Variants in THADA observed in about 807,000 individuals in gnomAD.
THADA encodes the protein tRNA (32-2'-O)-methyltransferase regulator THADA.
A neutral mutation model predicts 219.8 loss-of-function variants in THADA; 213 were observed. The observed-to-expected ratio is 0.97, with a 90% CI of 0.87 to 1.09. The LOEUF is 1.09. Among genes scored for constraint, THADA ranks in the 50% least tolerant of loss-of-function variants. The pLI is 0.00. For synonymous variants in THADA, 1,018 were observed against 828.9 expected, an observed-to-expected ratio of 1.23 and a Z score of -3.92; for missense variants, 2,956 against 2,311.3, an observed-to-expected ratio of 1.28 and a Z score of -5.72.
chr2:43,406,565 T>C (rs1021814458), intron 28 of THADA, among the ~76,000 whole-genome samples: 3 of 152,246 alleles, frequency 2.0e-5, no homozygotes, highest in Non-Finnish European at 2.9e-5. Flanking sequence ...AAATGTGCTA[T>C]ACCTTAGCAA....
chr2:43,520,038 T>C (rs137940560), intron 22 of THADA, among the ~76,000 whole-genome samples: 90 of 152,276 alleles, frequency 5.9e-4, no homozygotes, highest in African/African-American at 2.0e-3. Flanking sequence ...CCAAGAACAA[T>C]ACAGCAAACC....
intron 26 of THADA, among the ~76,000 whole-genome samples, chr2:43,458,424 G>A (rs1683263927): frequency 6.6e-6 from 1 of 152,120 alleles, no homozygotes; most frequent in African/African-American, 2.4e-5. Flanking sequence ...CCTAACTTCT[G>A]AGCCTCAGTT....
chr2:43,535,232 T>G (rs1013487927), intron 21 of THADA, among the ~76,000 whole-genome samples: 7 of 145,194 alleles, frequency 4.8e-5, no homozygotes, highest in South Asian at 2.3e-4. Flanking sequence ...ATTTTGGACA[T>G]TAATCCTGTC....
rs1700501350 is a variant in THADA at position 43,581,887 on chromosome 2, T to C, written c.575A>G (p.Asn192Ser). 1 of 1,596,352 alleles carries C rather than the reference T, an allele frequency of 6.3e-7. No homozygotes were observed. The highest frequency in any genetic ancestry group is 8.5e-7 in the Non-Finnish European group (1 of 1,174,254). ...GNHIIQTQLM[N>S]DLLVGIRVSM... The stretch of plus-strand genomic sequence containing the variant: ...AACTCTAATGCCTACCAGTAAGTCA[T>C]TCATCAACTGTGTTTGAATAATATG... The change falls in exon 8 of 38, where the codon AAT (asparagine) becomes AGT (serine). Residue 192 changes from asparagine to serine, a missense_variant. Transcript: ENST00000405975.
At chr2:43,287,128 G>T in intron 34 of THADA, 67 bp from the exon 35 acceptor site, 1 of 1,486,904 alleles carries the variant, frequency 6.7e-7, no homozygotes, top group Non-Finnish European at 9.2e-7. Flanking sequence ...AGAATTAGGG[G>T]TGACCTACAC....
intron 25 of THADA, among the ~76,000 whole-genome samples, chr2:43,497,284 A>T (rs373308089): frequency 6.6e-6 from 1 of 152,186 alleles, no homozygotes; most frequent in Non-Finnish European, 1.5e-5. Context: ...ATGGACCCAA[A>T]CCAAATGCCC....
chr2:43,590,631 C>T (rs1020047095), intron 4 of THADA, among the ~76,000 whole-genome samples, 193 bp downstream of exon 4: 6 of 134,316 alleles, frequency 4.5e-5, no homozygotes, highest in African/African-American at 1.7e-4. Context: ...GGCGACAGAG[C>T]TAGACTCCGT....
chr2:43,245,561 G>A (rs1209135194), intron 36 of THADA, among the ~76,000 whole-genome samples: 2 of 152,276 alleles, frequency 1.3e-5, no homozygotes, highest in East Asian at 1.9e-4. Context: ...AAGCTTCACT[G>A]GCCCTCATTG....
At chr2:43,320,656 C>CAAAT (rs1433087702) in intron 30 of THADA, 116 bp from the exon 31 acceptor site, 5 of 637,100 alleles carry the variant, frequency 7.8e-6, no homozygotes, top group Admixed American at 3.1e-5. Context: ...GCAGCTATGG[C>CAAAT]AAATATTAAG....
chr2:43,311,827 A>C (rs1372572310), intron 31 of THADA, among the ~76,000 whole-genome samples: 1 of 152,260 alleles, frequency 6.6e-6, no homozygotes, highest in Non-Finnish European at 1.5e-5. Context: ...ATAAAAATTT[A>C]ACTGACATGG....
chr2:43,502,763 A>G (rs1421771017), intron 24 of THADA, among the ~76,000 whole-genome samples: 1 of 151,924 alleles, frequency 6.6e-6, no homozygotes, highest in Non-Finnish European at 1.5e-5. Context: ...GAGACCACAA[A>G]GTAAAAAGAG....
intron 26 of THADA, among the ~76,000 whole-genome samples, chr2:43,469,909 T>C (rs1684701439): frequency 6.6e-6 from 1 of 151,838 alleles, no homozygotes; most frequent in Non-Finnish European, 1.5e-5. Flanking sequence ...TGGGAAAAAA[T>C]GTTTTTCAAG....
chr2:43,242,217 C>G (rs904492703), intron 36 of THADA, among the ~76,000 whole-genome samples: 2 of 152,258 alleles, frequency 1.3e-5, no homozygotes, highest in African/African-American at 4.8e-5. Context: ...AAAACCAACA[C>G]TGGGTACTGC....
intron 26 of THADA, among the ~76,000 whole-genome samples, chr2:43,451,304 T>C (rs901147742): frequency 6.6e-6 from 1 of 152,184 alleles, no homozygotes; most frequent in Non-Finnish European, 1.5e-5. Flanking sequence ...AACTCTAAAG[T>C]GAAACTCTGA....
At chr2:43,307,525 A>G (rs1573001810) in intron 31 of THADA, among the ~76,000 whole-genome samples, 1 of 152,382 alleles carries the variant, frequency 6.6e-6, no homozygotes, top group East Asian at 1.9e-4. Context: ...CACAATAGTT[A>G]TGTGTTCTCT....
At chr2:43,238,335 T>A (rs1572721326) in intron 36 of THADA, among the ~76,000 whole-genome samples, 1 of 152,102 alleles carries the variant, frequency 6.6e-6, no homozygotes, top group African/African-American at 2.4e-5. Flanking sequence ...CTAAACTACA[T>A]AAAGAACTCT....
chr2:43,390,063 T>G (rs998370258), intron 29 of THADA, among the ~76,000 whole-genome samples: 3 of 152,168 alleles, frequency 2.0e-5, no homozygotes, highest in African/African-American at 7.2e-5. Flanking sequence ...TTCTCCACAT[T>G]TACTCTACAT....
At chr2:43,591,870 A>G (rs1652804522) in intron 3 of THADA, 82 bp downstream of exon 3, 1 of 975,298 alleles carries the variant, frequency 1.0e-6, no homozygotes, top group African/African-American at 1.7e-5. Flanking sequence ...ATTAGGGACC[A>G]AAAACTGTCA....
At chr2:43,471,808 G>A (rs1378827681) in intron 26 of THADA, among the ~76,000 whole-genome samples, 1 of 152,108 alleles carries the variant, frequency 6.6e-6, no homozygotes, top group African/African-American at 2.4e-5. Flanking sequence ...TACCTGTTCT[G>A]TAATGATTTT....
Sources: gnomAD v4.1 joint callset for allele counts (sites outside exome capture counted in the v4.1 genomes callset) on GRCh38, gnomAD v4.1.1 for gene constraint, MANE v1.5 for transcripts, NCBI Gene and HGNC (gene_info 2026-07-23, HGNC 2026-07-21) for gene names.